Variants in FCHSD2 observed in about 807,000 individuals in gnomAD.
The protein encoded by FCHSD2 is FCH and double SH3 domains 2, also known as F-BAR and double SH3 domains protein 2.
FCHSD2 carries 38 observed loss-of-function variants against 108.1 expected under a neutral mutation model. The observed-to-expected ratio is 0.35, with a 90% CI of 0.27 to 0.46. The LOEUF is 0.46. Among genes scored for constraint, FCHSD2 ranks in the 20% least tolerant of loss-of-function variants. The pLI, the probability that FCHSD2 is intolerant of heterozygous loss-of-function variation, is 1.00. For missense variants in FCHSD2, 751 were observed against 897.8 expected (o/e 0.84, Z 2.09); for synonymous variants, 279 against 314.7 (o/e 0.89, Z 1.20).
intron 8 of FCHSD2, among the ~76,000 whole-genome samples, chr11:72,925,794 G>C (rs1856064057): frequency 6.6e-6 from 1 of 152,206 alleles, no homozygotes; most frequent in South Asian, 2.1e-4. Flanking sequence ...CATGGAGCCA[G>C]TGGCTACAGA....
intron 2 of FCHSD2, among the ~76,000 whole-genome samples, chr11:73,118,500 T>C (rs897850141): frequency 2.6e-5 from 4 of 152,218 alleles, no homozygotes; most frequent in African/African-American, 9.6e-5. Context: ...TTCTGGAGTA[T>C]AGTATACAGT....
At chr11:72,905,417 T>C (rs1446606638) in intron 9 of FCHSD2, among the ~76,000 whole-genome samples, 4 of 152,220 alleles carry the variant, frequency 2.6e-5, no homozygotes, top group African/African-American at 9.7e-5. Flanking sequence ...CCTTACTTTG[T>C]ATTACAAAAA....
At chr11:72,962,801 C>T (rs1169885898) in intron 8 of FCHSD2, among the ~76,000 whole-genome samples, 3 of 151,920 alleles carry the variant, frequency 2.0e-5, no homozygotes, top group Non-Finnish European at 4.4e-5. Flanking sequence ...AAGGTCCCTC[C>T]TATTTTTTTT....
intron 8 of FCHSD2, among the ~76,000 whole-genome samples, chr11:72,922,211 A>G (rs1344862825): frequency 6.6e-6 from 1 of 152,182 alleles, no homozygotes; most frequent in African/African-American, 2.4e-5. Context: ...ACTTAGAGAC[A>G]AAATGCGTGG....
At chr11:73,072,673 T>C (rs1443697401) in intron 3 of FCHSD2, among the ~76,000 whole-genome samples, 1 of 152,184 alleles carries the variant, frequency 6.6e-6, no homozygotes, top group Non-Finnish European at 1.5e-5. Context: ...TCCTTATTTG[T>C]TCTATAGGAC....
At chr11:73,135,357 G>T (rs1190705531) in intron 2 of FCHSD2, among the ~76,000 whole-genome samples, 1 of 152,096 alleles carries the variant, frequency 6.6e-6, no homozygotes, top group African/African-American at 2.4e-5. Flanking sequence ...TCTATAAAAT[G>T]AACAAACATG....
chr11:73,112,881 G>A (rs548784630), intron 2 of FCHSD2, among the ~76,000 whole-genome samples: 6 of 152,252 alleles, frequency 3.9e-5, no homozygotes, highest in South Asian at 4.1e-4. Flanking sequence ...AGCCAAGCTC[G>A]TCTTGAACTC....
chr11:72,900,191 C>A, intron 10 of FCHSD2: 1 of 1,165,772 alleles, frequency 8.6e-7, no homozygotes, highest in South Asian at 1.3e-5. Context: ...CACCAGGTCC[C>A]ACCCTTCATT....
At chr11:72,841,686 G>A (rs1860957518) in intron 17 of FCHSD2, 103 bp from the exon 18 acceptor site, 2 of 1,244,460 alleles carry the variant, frequency 1.6e-6, no homozygotes, top group African/African-American at 3.1e-5. Flanking sequence ...CTAAAGCTAA[G>A]CTGATTGTTG....
At chr11:73,105,724 T>C (rs938378658) in intron 2 of FCHSD2, among the ~76,000 whole-genome samples, 1 of 152,198 alleles carries the variant, frequency 6.6e-6, no homozygotes, top group African/African-American at 2.4e-5. Context: ...GTGTCTTACA[T>C]AATTGTGTTA....
At chr11:72,965,585 T>A (rs377120511) in intron 8 of FCHSD2, among the ~76,000 whole-genome samples, 5 of 152,350 alleles carry the variant, frequency 3.3e-5, no homozygotes, top group African/African-American at 1.2e-4. Context: ...TGAAACTTTT[T>A]GTTAAAGTAT....
intron 8 of FCHSD2, among the ~76,000 whole-genome samples, chr11:72,949,021 T>A (rs972857537): frequency 6.6e-6 from 1 of 152,228 alleles, no homozygotes; most frequent in Non-Finnish European, 1.5e-5. Context: ...TCACTAGTCT[T>A]ATTTTTTATT....
intron 3 of FCHSD2, among the ~76,000 whole-genome samples, chr11:73,042,836 T>C (rs1858673378): frequency 6.6e-6 from 1 of 152,194 alleles, no homozygotes; most frequent in African/African-American, 2.4e-5. Context: ...TGAGGCTTTC[T>C]TGATTTCTTT....
chr11:72,866,227 T>C (rs777468568), intron 13 of FCHSD2, among the ~76,000 whole-genome samples: 2 of 151,140 alleles, frequency 1.3e-5, no homozygotes, highest in Non-Finnish European at 2.9e-5. Flanking sequence ...GTAGGAGATA[T>C]TCCATGAGAT....
At chr11:72,855,204 C>T (rs907347751) in intron 13 of FCHSD2, among the ~76,000 whole-genome samples, 3 of 152,062 alleles carry the variant, frequency 2.0e-5, no homozygotes, top group African/African-American at 7.2e-5. Flanking sequence ...ACCTGGGAGG[C>T]GGAGGTTGCT....
chr11:73,028,633 T>C (rs1417702244), intron 3 of FCHSD2, among the ~76,000 whole-genome samples: 1 of 152,188 alleles, frequency 6.6e-6, no homozygotes, highest in African/African-American at 2.4e-5. Flanking sequence ...GAGAAGGACA[T>C]GAGATTTGGG....
intron 10 of FCHSD2, chr11:72,900,318 G>A: frequency 6.5e-7 from 1 of 1,549,702 alleles, no homozygotes; most frequent in Non-Finnish European, 8.7e-7. Flanking sequence ...CAGTTGGGCG[G>A]CTTTTAAACT....
At chr11:73,086,466 C>G (rs1315304454) in intron 2 of FCHSD2, among the ~76,000 whole-genome samples, 1 of 151,990 alleles carries the variant, frequency 6.6e-6, no homozygotes, top group South Asian at 2.1e-4. Flanking sequence ...CCTAACTTTA[C>G]AACTTAAGGA....
chr11:72,932,288 C>A (rs1414852317), intron 8 of FCHSD2, among the ~76,000 whole-genome samples: 3 of 152,192 alleles, frequency 2.0e-5, no homozygotes, highest in Non-Finnish European at 4.4e-5. Context: ...CTGCATCCAA[C>A]TCTCCCTCTC....
Sources: allele counts gnomAD v4.1 joint callset (sites outside exome capture counted in the v4.1 genomes callset), GRCh38; gene constraint gnomAD v4.1.1; transcripts MANE v1.5; gene names NCBI Gene and HGNC (gene_info 2026-07-23, HGNC 2026-07-21).